VOPP1: variants seen among roughly 807,000 people sequenced by gnomAD.
The protein encoded by VOPP1 is WW domain binding protein VOPP1.
Under a neutral mutation model 23.5 loss-of-function variants are expected in VOPP1, and 8 were observed. The observed-to-expected ratio is 0.34, with a 90% CI of 0.20 to 0.61. The LOEUF (loss-of-function observed/expected upper bound fraction) is 0.61, where lower values mean the gene tolerates loss of function less well. VOPP1 is among the 20% of genes least tolerant of loss of function. The probability of loss-of-function intolerance (pLI) is 0.78; values close to 1 mark genes in which losing one functional copy is unlikely to be tolerated. For synonymous variants in VOPP1, 83 were observed against 97.3 expected, an observed-to-expected ratio of 0.85 and a Z score of 0.86; for missense variants, 174 against 238.1, an observed-to-expected ratio of 0.73 and a Z score of 1.77.
chr7:55,536,504 G>A (rs911467566), intron 1 of VOPP1, among the ~76,000 whole-genome samples: 7 of 152,128 alleles, frequency 4.6e-5, no homozygotes. Flanking sequence ...TCTGCAGCCT[G>A]GGTGAGAGTG....
chr7:55,487,457 AT>A (rs1267373786), intron 4 of VOPP1, among the ~76,000 whole-genome samples: 1 of 152,156 alleles, frequency 6.6e-6, no homozygotes, highest in Non-Finnish European at 1.5e-5. Context: ...ACTCATGACC[AT>A]TTTTTAGAGG....
At chr7:55,531,894 T>C (rs756233282) in intron 1 of VOPP1, among the ~76,000 whole-genome samples, 1 of 152,160 alleles carries the variant, frequency 6.6e-6, no homozygotes, top group Non-Finnish European at 1.5e-5. Context: ...GGCCAGCAGA[T>C]CCAAAACTCA....
At chr7:55,510,910 C>A (rs963605765) in intron 2 of VOPP1, among the ~76,000 whole-genome samples, 2 of 152,160 alleles carry the variant, frequency 1.3e-5, no homozygotes, top group African/African-American at 4.8e-5. Context: ...CCAACACCAT[C>A]CCCTGCCCTC....
intron 4 of VOPP1, among the ~76,000 whole-genome samples, chr7:55,440,412 T>C (rs1790934661): frequency 6.6e-6 from 1 of 152,238 alleles, no homozygotes; most frequent in African/African-American, 2.4e-5. Context: ...CCATCCGTTT[T>C]ACTTTTTCTA....
intron 1 of VOPP1, among the ~76,000 whole-genome samples, chr7:55,526,206 C>T (rs1337818261): frequency 2.6e-5 from 4 of 152,236 alleles, no homozygotes; most frequent in African/African-American, 9.6e-5. Flanking sequence ...CCTTCAGGAG[C>T]AACTCCCTTG....
intron 1 of VOPP1, among the ~76,000 whole-genome samples, chr7:55,536,266 C>T (rs940237651): frequency 3.9e-5 from 6 of 152,202 alleles, no homozygotes; most frequent in Admixed American, 6.5e-5. Context: ...TGGTGGCTCA[C>T]GCCTGTAATC....
chr7:55,446,253 A>G (rs538354273), intron 4 of VOPP1, among the ~76,000 whole-genome samples: 1 of 152,256 alleles, frequency 6.6e-6, no homozygotes, highest in African/African-American at 2.4e-5. Context: ...TCGGCCTCCC[A>G]AAGTGCTGGG....
chr7:55,475,662 G>A (rs547655536), intron 4 of VOPP1, among the ~76,000 whole-genome samples: 6 of 152,362 alleles, frequency 3.9e-5, no homozygotes, highest in South Asian at 4.1e-4. Flanking sequence ...TGCCCTGGGA[G>A]GAGCCCTTCA....
intron 2 of VOPP1, among the ~76,000 whole-genome samples, chr7:55,508,730 T>G (rs1267974815): frequency 6.6e-6 from 1 of 152,040 alleles, no homozygotes; most frequent in Non-Finnish European, 1.5e-5. Context: ...AAATAAATTC[T>G]GGCCATATGT....
chr7:55,532,015 G>T (rs1796525051), intron 1 of VOPP1, among the ~76,000 whole-genome samples: 1 of 152,198 alleles, frequency 6.6e-6, no homozygotes, highest in African/African-American at 2.4e-5. Flanking sequence ...AAATGCATAA[G>T]GATTTTTGCA....
downstream of VOPP1, among the ~76,000 whole-genome samples, chr7:55,465,799 C>G (rs759909878): frequency 2.0e-5 from 3 of 152,164 alleles, no homozygotes; most frequent in Non-Finnish European, 4.4e-5. Flanking sequence ...ATCTTCAGAG[C>G]CCACAGTCTT....
At chr7:55,466,596 T>C (rs1791637519), downstream of VOPP1, among the ~76,000 whole-genome samples, 1 of 152,274 alleles carries the variant, frequency 6.6e-6, no homozygotes, top group African/African-American at 2.4e-5. Flanking sequence ...TGACCTTGGA[T>C]TGAGATCCAG....
intron 1 of VOPP1, among the ~76,000 whole-genome samples, chr7:55,555,132 T>C (rs899543725): frequency 7.2e-5 from 11 of 152,116 alleles, no homozygotes; most frequent in African/African-American, 2.7e-4. Context: ...AAGGAACCAG[T>C]CTTAAAATAA....
At chr7:55,487,986 T>C (rs1209505132) in intron 4 of VOPP1, among the ~76,000 whole-genome samples, 2 of 152,242 alleles carry the variant, frequency 1.3e-5, no homozygotes, top group Non-Finnish European at 2.9e-5. Context: ...ACCCTCCACC[T>C]GTGTGAACAC....
Position 55,568,153 on chromosome 7 carries a change from C to T in VOPP1, c.54+4118G>A, listed in dbSNP as rs550684044. Among the ~76,000 whole-genome samples the T allele has an allele frequency of 3.6e-3, 532 of 147,870 alleles. 4 individuals are homozygous for T. Among genetic ancestry groups the T allele is most frequent in the African/African-American group, 0.012 (494 of 40,094 alleles). On this transcript the variant is annotated intron_variant, in intron 1 of 4. Coordinates refer to ENST00000285279, the MANE Select transcript of VOPP1 (RefSeq NM_030796.5). ...GGAGTGCAGTGGCACAATCTCCGCT[C>T]ACTGCAAGCTCCGCCTCCCGGGTTC...
chr7:55,461,025 T>TTA (rs1322446251), intron 4 of VOPP1, among the ~76,000 whole-genome samples: 2 of 151,908 alleles, frequency 1.3e-5, no homozygotes, highest in African/African-American at 2.4e-5. Context: ...TTTATATATA[T>TTA]TATATATATG....
At chr7:55,457,677 T>C (rs1791402555) in intron 4 of VOPP1, among the ~76,000 whole-genome samples, 2 of 152,128 alleles carry the variant, frequency 1.3e-5, no homozygotes, top group Admixed American at 1.3e-4. Flanking sequence ...TGATATCTCA[T>C]TGTGGTTTTG....
chr7:55,541,907 G>A (rs1448343119), intron 1 of VOPP1, among the ~76,000 whole-genome samples: 2 of 152,198 alleles, frequency 1.3e-5, no homozygotes, highest in Non-Finnish European at 2.9e-5. Flanking sequence ...GGCTTGGGTA[G>A]GGTGGGCCAG....
chr7:55,530,209 T>G (rs947828530), intron 1 of VOPP1, among the ~76,000 whole-genome samples: 2 of 152,118 alleles, frequency 1.3e-5, no homozygotes, highest in African/African-American at 2.4e-5. Flanking sequence ...TACATTCCCA[T>G]CAACAATGTA....
Sources: gnomAD v4.1 joint callset for allele counts (sites outside exome capture counted in the v4.1 genomes callset) on GRCh38, gnomAD v4.1.1 for gene constraint, MANE v1.5 for transcripts, NCBI Gene and HGNC (gene_info 2026-07-23, HGNC 2026-07-21) for gene names.